Variants in EPM2A observed in about 807,000 individuals in gnomAD.
The protein encoded by EPM2A is EPM2A glucan phosphatase, laforin.
In EPM2A, 21 loss-of-function variants were observed where a neutral mutation model predicts 26.5. That is an observed-to-expected ratio of 0.79 (90% CI 0.56 to 1.14). EPM2A has a LOEUF of 1.14. Among genes scored for constraint, EPM2A ranks in the 50% most tolerant of loss-of-function variants. EPM2A has a pLI of 0.00. For missense variants in EPM2A, 458 were observed against 440.8 expected (o/e 1.04, Z -0.35); for synonymous variants, 217 against 177.6 (o/e 1.22, Z -1.76).
At chr6:145,521,357 T>A (rs935855710) in intron 2 of EPM2A, among the ~76,000 whole-genome samples, 1 of 152,152 alleles carries the variant, frequency 6.6e-6, no homozygotes, top group African/African-American at 2.4e-5. Flanking sequence ...CCATCTAGTA[T>A]AATAAAAGAT....
chr6:145,674,211 G>C (rs1779858237), intron 2 of EPM2A, among the ~76,000 whole-genome samples: 1 of 152,156 alleles, frequency 6.6e-6, no homozygotes, highest in African/African-American at 2.4e-5. Context: ...GGACCTAACT[G>C]TTAGAAGAAA....
At chr6:145,595,767 G>T (rs1280838791) in intron 2 of EPM2A, among the ~76,000 whole-genome samples, 1 of 151,994 alleles carries the variant, frequency 6.6e-6, no homozygotes, top group Admixed American at 6.6e-5. Context: ...TGATATTATA[G>T]CAAATAATAA....
chr6:145,466,913 C>G (rs1019618512), intron 4 of EPM2A, among the ~76,000 whole-genome samples: 3 of 152,076 alleles, frequency 2.0e-5, no homozygotes, highest in Non-Finnish European at 4.4e-5. Flanking sequence ...AAACACCACA[C>G]ATTCTCACTC....
chr6:145,551,613 G>C (rs1039386774), intron 2 of EPM2A, among the ~76,000 whole-genome samples: 6 of 152,000 alleles, frequency 3.9e-5, no homozygotes, highest in African/African-American at 1.4e-4. Flanking sequence ...AGAAATCTTG[G>C]TTAAGAATTA....
intron 4 of EPM2A, among the ~76,000 whole-genome samples, chr6:145,414,799 G>C (rs376780370): frequency 7.9e-5 from 12 of 152,122 alleles, no homozygotes; most frequent in African/African-American, 2.9e-4. Context: ...TGGACTTCCT[G>C]CCTTTGATAA....
chr6:145,561,810 C>T (rs982039436), intron 2 of EPM2A, among the ~76,000 whole-genome samples: 3 of 152,090 alleles, frequency 2.0e-5, no homozygotes, highest in African/African-American at 7.2e-5. Flanking sequence ...TTGTTGTTTA[C>T]ATGTTGCAAA....
chr6:145,515,452 G>T (rs531030924), intron 2 of EPM2A, among the ~76,000 whole-genome samples: 1 of 152,108 alleles, frequency 6.6e-6, no homozygotes, highest in African/African-American at 2.4e-5. Context: ...TTTATTTCAC[G>T]TAGTTCCAGA....
chr6:145,593,674 A>C (rs1202719815), intron 2 of EPM2A, among the ~76,000 whole-genome samples: 1 of 152,060 alleles, frequency 6.6e-6, no homozygotes, highest in Non-Finnish European at 1.5e-5. Context: ...CTCACTGCTA[A>C]ATAACATATG....
chr6:145,419,181 C>CA (rs1778748203), intron 4 of EPM2A, among the ~76,000 whole-genome samples: 1 of 14,288 alleles, frequency 7.0e-5, no homozygotes, highest in Non-Finnish European at 1.6e-4. Flanking sequence ...TGTTAAATGT[C>CA]CCCCCCCCCC....
intron 2 of EPM2A, among the ~76,000 whole-genome samples, chr6:145,647,623 G>A (rs1358972943): frequency 1.3e-5 from 2 of 152,026 alleles, no homozygotes; most frequent in Non-Finnish European, 2.9e-5. Flanking sequence ...AGTACCCACG[G>A]CACTTAACAT....
intron 4 of EPM2A, among the ~76,000 whole-genome samples, chr6:145,424,895 T>C (rs559588377): frequency 6.6e-6 from 1 of 152,264 alleles, no homozygotes; most frequent in South Asian, 2.1e-4. Flanking sequence ...TAAATTTCTG[T>C]TGCTTAAAAG....
intron 2 of EPM2A, among the ~76,000 whole-genome samples, chr6:145,574,204 C>T (rs966049450): frequency 7.9e-5 from 12 of 152,146 alleles, no homozygotes; most frequent in Middle Eastern, 3.4e-3. Flanking sequence ...ACTCTCTTGT[C>T]CACTCGACCT....
intron 2 of EPM2A, among the ~76,000 whole-genome samples, chr6:145,538,259 CT>C (rs201319308): frequency 1.2e-3 from 178 of 145,466 alleles, no homozygotes; most frequent in African/African-American, 1.8e-3. Context: ...CAGAAGAGGC[CT>C]TTTTTTTTTT....
intron 4 of EPM2A, among the ~76,000 whole-genome samples, chr6:145,422,053 G>A (rs1778791659): frequency 1.0e-5 from 1 of 100,052 alleles, no homozygotes; most frequent in East Asian, 3.2e-4. Flanking sequence ...GAATATATAT[G>A]AGTGTATATA....
At chr6:145,670,807 C>A (rs1281651186) in intron 2 of EPM2A, 1 of 524,744 alleles carries the variant, frequency 1.9e-6, no homozygotes, top group Non-Finnish European at 2.4e-6. Flanking sequence ...AAGAGGATAT[C>A]TAGCAATTAA....
intron 1 of EPM2A, among the ~76,000 whole-genome samples, chr6:145,690,343 T>C (rs1303146417): frequency 1.3e-5 from 2 of 151,568 alleles, no homozygotes; most frequent in Admixed American, 6.6e-5. Flanking sequence ...ACCCCGTCTC[T>C]ACTAAAAATA....
At position 145,607,890 on chromosome 6, in the gene EPM2A, T is replaced by A. The variant is rs1435295194; in HGVS notation, c.340+27355A>T. Among the ~76,000 whole-genome samples, 5 of 152,184 alleles carry A rather than the reference T, an allele frequency of 3.3e-5. No homozygotes were observed. The East Asian group carries it at 9.7e-4, about 29-fold the overall frequency. ...AGAGAGTGAGCAGGTAAAAGGAAAA[T>A]TACATTTATACTTCAAAGCTCTTGC... On this transcript the variant is annotated intron_variant, in intron 2 of 3. Coordinates refer to the EPM2A transcript ENST00000450221.
intron 3 of EPM2A, 154 bp from the exon 4 acceptor site, chr6:145,627,847 T>C: frequency 9.1e-7 from 1 of 1,094,270 alleles, no homozygotes; most frequent in South Asian, 1.5e-5. Flanking sequence ...AAGGAAAAAG[T>C]GAGACCATTT....
chr6:145,680,354 G>T (rs775123426), intron 2 of EPM2A, among the ~76,000 whole-genome samples: 1 of 143,710 alleles, frequency 7.0e-6, no homozygotes, highest in African/African-American at 2.6e-5. Context: ...TTTTTTCTGC[G>T]TAAGTTTCAT....
Sources: allele counts gnomAD v4.1 joint callset (sites outside exome capture counted in the v4.1 genomes callset), GRCh38; gene constraint gnomAD v4.1.1; transcripts MANE v1.5; gene names NCBI Gene and HGNC (gene_info 2026-07-23, HGNC 2026-07-21).